The following TMC1 variants were observed in gnomAD, a reference collection of about 807,000 sequenced individuals.
TMC1 encodes transmembrane channel-like protein 1.
TMC1 carries 84 observed loss-of-function variants against 105.8 expected under a neutral mutation model. The ratio of observed to expected loss-of-function variants is 0.79; its 90% confidence interval spans 0.67 to 0.95. TMC1 has a LOEUF of 0.95. Ranked by LOEUF, TMC1 falls within the 40% of genes least tolerant of loss-of-function variation. The pLI is 0.00. For missense variants in TMC1, 817 were observed against 914.1 expected (o/e 0.89, Z 1.37); for synonymous variants, 315 against 311.5 (o/e 1.01, Z -0.12).
At chr9:72,528,823 C>A (rs942159639) in intron 1 of TMC1, among the ~76,000 whole-genome samples, 4 of 151,992 alleles carry the variant, frequency 2.6e-5, no homozygotes, top group Non-Finnish European at 5.9e-5. Context: ...TTAGTATGCC[C>A]TTTGTTACAT....
At chr9:72,599,275 C>A (rs1298936741) in intron 2 of TMC1, among the ~76,000 whole-genome samples, 2 of 152,126 alleles carry the variant, frequency 1.3e-5, no homozygotes, top group Non-Finnish European at 2.9e-5. Flanking sequence ...AGGTGATCTG[C>A]CCACCTTGGC....
intron 1 of TMC1, among the ~76,000 whole-genome samples, chr9:72,556,316 C>T (rs1490077023): frequency 2.6e-5 from 4 of 151,442 alleles, no homozygotes; most frequent in Admixed American, 6.6e-5. Context: ...GGGGTTTCAC[C>T]GTGTTGGCCA....
At chr9:72,762,659 C>A (rs951881721) in intron 12 of TMC1, among the ~76,000 whole-genome samples, 1 of 152,142 alleles carries the variant, frequency 6.6e-6, no homozygotes, top group Non-Finnish European at 1.5e-5. Context: ...CCTAGAGATA[C>A]GTCTCTTTCC....
intron 2 of TMC1, among the ~76,000 whole-genome samples, chr9:72,614,248 T>C (rs1825084576): frequency 6.6e-6 from 1 of 152,174 alleles, no homozygotes. Context: ...GATGATGTCA[T>C]AATTTTGATC....
chr9:72,604,560 A>G (rs1314899304), intron 2 of TMC1, among the ~76,000 whole-genome samples: 8 of 152,180 alleles, frequency 5.3e-5, no homozygotes, highest in Non-Finnish European at 7.3e-5. Flanking sequence ...GGCATGTTAT[A>G]TATTTTACTT....
rs530990624 is a variant in TMC1 at position 72,790,206 on chromosome 9, T to C, written c.1224+889T>C. On this transcript the variant is annotated intron_variant, in intron 15 of 23. Coordinates refer to ENST00000297784, the MANE Select transcript of TMC1 (RefSeq NM_138691.3). ...TGTAGACTTCCCACACTGAAACTTTTGCAGAACAGTATAGATCAAAAGAAT... is the reference window on the plus strand; with the variant it reads ...TGTAGACTTCCCACACTGAAACTTTCGCAGAACAGTATAGATCAAAAGAAT... Among the ~76,000 whole-genome samples the C allele has an allele frequency of 4.6e-5, 7 of 152,298 alleles. No homozygotes were observed. The South Asian group carries it at 1.5e-3, about 32-fold the overall frequency.
intron 23 of TMC1, among the ~76,000 whole-genome samples, chr9:72,834,840 A>G (rs1829096305): frequency 6.6e-6 from 1 of 152,102 alleles, no homozygotes; most frequent in Admixed American, 6.5e-5. Flanking sequence ...TCGTTTTTTA[A>G]TAACCCCCAC....
At chr9:72,777,317 T>C (rs1030793081) in intron 13 of TMC1, among the ~76,000 whole-genome samples, 2 of 152,202 alleles carry the variant, frequency 1.3e-5, no homozygotes, top group Admixed American at 6.5e-5. Context: ...ATTAATTTTT[T>C]TCTTTGTCGA....
At chr9:72,747,996 C>A (rs1827520344) in intron 10 of TMC1, among the ~76,000 whole-genome samples, 1 of 152,190 alleles carries the variant, frequency 6.6e-6, no homozygotes, top group Admixed American at 6.5e-5. Flanking sequence ...ATTTGTGAAT[C>A]TGACTGGCTT....
chr9:72,614,318 T>C (rs2132122140), intron 2 of TMC1, among the ~76,000 whole-genome samples: 2 of 152,276 alleles, frequency 1.3e-5, no homozygotes, highest in Middle Eastern at 3.4e-3. Context: ...CACTTCTTTA[T>C]TGCAACCAAA....
chr9:72,581,463 C>T (rs1019253074), intron 2 of TMC1, among the ~76,000 whole-genome samples: 2 of 152,142 alleles, frequency 1.3e-5, no homozygotes, highest in Non-Finnish European at 2.9e-5. Flanking sequence ...GATGCATTGA[C>T]TCCATTTCTG....
At chr9:72,524,157 C>T (rs192170792) in intron 1 of TMC1, among the ~76,000 whole-genome samples, 29 of 152,242 alleles carry the variant, frequency 1.9e-4, no homozygotes, top group Non-Finnish European at 1.5e-5. Flanking sequence ...TTTGCAGAAT[C>T]TTAGATATGT....
At chr9:72,609,545 A>G (rs1824987937) in intron 2 of TMC1, among the ~76,000 whole-genome samples, 1 of 107,244 alleles carries the variant, frequency 9.3e-6, no homozygotes, top group Admixed American at 9.0e-5. Flanking sequence ...CTGTCTCAAA[A>G]TAACAACAAC....
intron 1 of TMC1, among the ~76,000 whole-genome samples, chr9:72,560,843 A>G (rs1209040992): frequency 1.3e-5 from 2 of 151,318 alleles, no homozygotes; most frequent in African/African-American, 2.4e-5. Context: ...CCTCAACTAA[A>G]CTTCATTTTA....
At position 72,816,184 on chromosome 9, in the gene TMC1, T is replaced by C; in HGVS notation, c.1737T>C (p.Ala579=). ...TCGACATCAGTGGCAACGTCCTCGC[T>C]CTGATCTTCAACCAAGGCATGATCT... ...TEFDISGNVL[A]LIFNQGMIWM... Residue 579 remains alanine (A), a synonymous_variant, in exon 19 of 24, where the codon GCT becomes GCC. Coordinates refer to ENST00000297784, the MANE Select transcript of TMC1 (RefSeq NM_138691.3). 1.2e-6 allele frequency: 2 copies of C among 1,613,634 alleles called. No homozygotes were observed. The highest frequency in any genetic ancestry group is 1.7e-5 in the Admixed American group (1 of 60,000).
chr9:72,832,579 T>C (rs920662935), intron 23 of TMC1, among the ~76,000 whole-genome samples: 5 of 152,192 alleles, frequency 3.3e-5, no homozygotes, highest in Admixed American at 6.5e-5. Flanking sequence ...TGAAATGCAC[T>C]GGGGAGGTCA....
At chr9:72,724,368 A>G (rs148953803) in intron 8 of TMC1, among the ~76,000 whole-genome samples, 203 of 152,164 alleles carry the variant, frequency 1.3e-3, no homozygotes, top group African/African-American at 4.6e-3. Context: ...TCAGGAGCCT[A>G]CTCTGTGATA....
chr9:72,654,910 C>T (rs139681675), intron 5 of TMC1, among the ~76,000 whole-genome samples: 2 of 151,820 alleles, frequency 1.3e-5, no homozygotes, highest in African/African-American at 2.4e-5. Flanking sequence ...ATTATCTGAA[C>T]TTCTGTATGT....
intron 2 of TMC1, among the ~76,000 whole-genome samples, chr9:72,598,500 A>G (rs1401519686): frequency 6.6e-6 from 1 of 151,922 alleles, no homozygotes; most frequent in Non-Finnish European, 1.5e-5. Context: ...CTGCTTCATA[A>G]TCGTATCACT....
Sources: allele counts gnomAD v4.1 joint callset (sites outside exome capture counted in the v4.1 genomes callset), GRCh38; gene constraint gnomAD v4.1.1; transcripts MANE v1.5; gene names NCBI Gene and HGNC (gene_info 2026-07-23, HGNC 2026-07-21).